Variants in LRCH2 observed in about 807,000 individuals in gnomAD.
LRCH2 encodes leucine rich repeats and calponin homology domain containing 2.
In LRCH2, 38 loss-of-function variants were observed where a neutral mutation model predicts 68.9. The observed-to-expected ratio is 0.55, with a 90% CI of 0.43 to 0.72. The LOEUF is 0.72. LRCH2 is among the 30% of genes least tolerant of loss of function. The pLI is 0.00. For missense variants in LRCH2, 528 were observed against 572.9 expected (o/e 0.92, Z 0.80); for synonymous variants, 191 against 208.1 (o/e 0.92, Z 0.71).
At position 115,123,174 on chromosome X, in the gene LRCH2, C is replaced by T. The variant is rs1027988478; in HGVS notation, c.1868G>A (p.Arg623His). The T allele has an allele frequency of 2.5e-6, 3 of 1,204,159 alleles. No individual in the cohort carries two copies. Among genetic ancestry groups the T allele is most frequent in the Middle Eastern group, 2.3e-4 (1 of 4,355 alleles). The change falls in exon 18 of 21, where the codon CGC (arginine) becomes CAC (histidine). Residue 623 changes from arginine (R) to histidine (H), a missense_variant. Physicochemically the swap from Arg to His is conservative, Grantham distance 29. Coordinates refer to ENST00000317135, the MANE Select transcript of LRCH2 (RefSeq NM_020871.4). ...TGGATCTGCTGCCCCATATTCTTGG[C>T]GAGATGAGCGGCTAAAAGCTATAAA... ...KPRSAFSRSS[R>H]QEYGAADPGF...
At chrX:115,146,579 TA>T (rs57007858) in intron 14 of LRCH2, among the ~76,000 whole-genome samples, 17,493 of 109,108 alleles carry the variant, frequency 0.16, 1,488 homozygotes, top group African/African-American at 0.31. Flanking sequence ...AAATTTAAAA[TA>T]AAAAAAGATG....
rs2072047275 is a variant in LRCH2, at chrX:115,112,005, G to A, written c.*1211C>T. ...GAAAAATTCCTGCAATACCACCAAT[G>A]TAAATTTACCCATACCTAAGTTAAA... On this transcript the variant is annotated 3_prime_UTR_variant, in exon 21 of 21. Coordinates refer to ENST00000317135, the MANE Select transcript of LRCH2 (RefSeq NM_020871.4). 8.9e-6 allele frequency: 1 copy of A among 112,051 alleles called. No homozygotes were observed. Among genetic ancestry groups the A allele is most frequent in the African/African-American group, 3.2e-5 (1 of 30,860 alleles). 9.2% of individuals were successfully genotyped at this position (112,051 alleles called of 1,213,427 possible). A position where few individuals can be genotyped will look rare whatever the true frequency, so the allele number is the denominator to read the frequency against.
At chrX:115,139,001 G>GTACATATACATA (rs200482548) in intron 14 of LRCH2, 55 of 111,358 alleles carry the variant, frequency 4.9e-4, no homozygotes, top group Admixed American at 5.7e-4. Flanking sequence ...AAGCTTTTAT[G>GTACATATACATA]TACATATACA....
At chrX:115,179,802 A>G (rs2072678048) in intron 3 of LRCH2, 51 bp from the exon 4 acceptor site, 4 of 509,977 alleles carry the variant, frequency 7.8e-6, no homozygotes, top group Non-Finnish European at 1.1e-5. Flanking sequence ...AGAAATACAT[A>G]TATTATATAT....
At chrX:115,178,842 C>T (rs1556551634) in intron 5 of LRCH2, among the ~76,000 whole-genome samples, 1 of 112,217 alleles carries the variant, frequency 8.9e-6, no homozygotes, top group Non-Finnish European at 1.9e-5. Context: ...TTTGGGCAAT[C>T]TAAGTAAAGG....
At chrX:115,221,046 G>A (rs1316450108) in intron 1 of LRCH2, among the ~76,000 whole-genome samples, 17 of 105,609 alleles carry the variant, frequency 1.6e-4, no homozygotes, top group African/African-American at 4.9e-4. Flanking sequence ...GCGTGGTGGC[G>A]GGCACCTGTA....
intron 20 of LRCH2, among the ~76,000 whole-genome samples, chrX:115,113,814 C>A (rs2843489): frequency 0.16 from 17,976 of 110,884 alleles, 1,495 homozygotes; most frequent in African/African-American, 0.31. Flanking sequence ...TCTTGTGTGA[C>A]ACCATTCTTT....
chrX:115,115,554 A>G (rs1388100897), intron 20 of LRCH2, among the ~76,000 whole-genome samples: 2 of 110,913 alleles, frequency 1.8e-5, no homozygotes, highest in Admixed American at 1.9e-4. Flanking sequence ...ACTGATCTCA[A>G]AATGGATCAC....
intron 1 of LRCH2, among the ~76,000 whole-genome samples, chrX:115,220,756 TGTA>T (rs782479823): frequency 2.7e-5 from 3 of 111,927 alleles, no homozygotes; most frequent in Non-Finnish European, 5.6e-5. Context: ...CATTTTGTAA[TGTA>T]GTATTTTCAA....
At chrX:115,164,669 C>A (rs1465731223) in intron 10 of LRCH2, among the ~76,000 whole-genome samples, 2 of 111,191 alleles carry the variant, frequency 1.8e-5, no homozygotes, top group Middle Eastern at 4.6e-3. Context: ...TGGTTTTAGG[C>A]ATAAAACTTA....
chrX:115,179,971 T>C (rs1556551930), intron 3 of LRCH2, among the ~76,000 whole-genome samples: 1 of 110,783 alleles, frequency 9.0e-6, no homozygotes, highest in Non-Finnish European at 1.9e-5. Flanking sequence ...ATACAAAAAT[T>C]TGAGGTTATA....
intron 8 of LRCH2, 63 bp from the exon 9 acceptor site, chrX:115,165,718 T>G: frequency 1.1e-6 from 1 of 945,451 alleles, no homozygotes; most frequent in Non-Finnish European, 1.5e-6. Flanking sequence ...GACACTGCTG[T>G]CCTTAGAAAA....
chrX:115,220,634 C>A (rs1296436932), intron 1 of LRCH2, among the ~76,000 whole-genome samples: 1 of 111,414 alleles, frequency 9.0e-6, no homozygotes, highest in Non-Finnish European at 1.9e-5. Context: ...ACCGAGAAAA[C>A]TCCTAAACCT....
At chrX:115,131,230 A>G (rs1313371101) in intron 14 of LRCH2, among the ~76,000 whole-genome samples, 1 of 104,119 alleles carries the variant, frequency 9.6e-6, no homozygotes, top group Non-Finnish European at 2.0e-5. Flanking sequence ...TACATTAGGT[A>G]TATCTCCTAA....
chrX:115,133,997 A>C (rs2072267683), intron 14 of LRCH2, among the ~76,000 whole-genome samples: 1 of 112,443 alleles, frequency 8.9e-6, no homozygotes, highest in Non-Finnish European at 1.9e-5. Context: ...ATGCAAAATA[A>C]GTGTTGAAGA....
chrX:115,230,484 G>A (rs782580262), intron 1 of LRCH2, among the ~76,000 whole-genome samples: 1 of 111,355 alleles, frequency 9.0e-6, no homozygotes, highest in Admixed American at 9.6e-5. Flanking sequence ...AGAGAAAGGA[G>A]AAAAGTGTGA....
chrX:115,178,851 G>A (rs1315137974), intron 5 of LRCH2, among the ~76,000 whole-genome samples: 2 of 111,862 alleles, frequency 1.8e-5, no homozygotes, highest in Non-Finnish European at 3.8e-5. Flanking sequence ...TCTAAGTAAA[G>A]GTACTTGTTT....
chrX:115,135,074 A>C (rs1196077154), intron 14 of LRCH2, among the ~76,000 whole-genome samples: 1 of 110,676 alleles, frequency 9.0e-6, no homozygotes, highest in Non-Finnish European at 1.9e-5. Context: ...TGTGGTGGAA[A>C]CAGCAGGAGA....
intron 1 of LRCH2, chrX:115,190,648 G>A (rs1332462512): frequency 3.5e-6 from 4 of 1,144,361 alleles, no homozygotes; most frequent in Non-Finnish European, 4.7e-6. Context: ...CCACAGCGGG[G>A]GCCGCAACAG....
Sources: gnomAD v4.1 joint callset for allele counts (sites outside exome capture counted in the v4.1 genomes callset) on GRCh38, gnomAD v4.1.1 for gene constraint, MANE v1.5 for transcripts, NCBI Gene and HGNC (gene_info 2026-07-23, HGNC 2026-07-21) for gene names.